Variants in ALG13 observed in about 807,000 individuals in gnomAD.
The protein encoded by ALG13 is UDP-N-acetylglucosamine transferase subunit ALG13.
A neutral mutation model predicts 87.8 loss-of-function variants in ALG13; 11 were observed. That is an observed-to-expected ratio of 0.13 (90% CI 0.08 to 0.21). The LOEUF is 0.21. Among genes scored for constraint, ALG13 ranks in the 10% least tolerant of loss-of-function variants. ALG13 has a pLI of 1.00. For missense variants in ALG13, 756 were observed against 866.1 expected (o/e 0.87, Z 1.60); for synonymous variants, 320 against 306.3 (o/e 1.04, Z -0.47).
chrX:111,688,035 C>A, intron 3 of ALG13: 1 of 1,081,198 alleles, frequency 9.2e-7, no homozygotes, highest in Non-Finnish European at 1.2e-6. Context: ...AAGCAACCCC[C>A]AAATTCAACC....
At chrX:111,711,837 C>T in intron 6 of ALG13, 112 bp downstream of exon 6, 5 of 737,609 alleles carry the variant, frequency 6.8e-6, no homozygotes, top group Non-Finnish European at 7.8e-6. Context: ...TATTTAGTAG[C>T]CAGCTGTGTT....
intron 23 of ALG13, chrX:111,743,765 T>C (rs757266217): frequency 2.3e-4 from 26 of 111,883 alleles, no homozygotes; most frequent in Non-Finnish European, 4.7e-4. Flanking sequence ...TAAACATTTA[T>C]AGAATGATAA....
intron 19 of ALG13, among the ~76,000 whole-genome samples, chrX:111,729,920 C>T (rs1434867478): frequency 8.9e-6 from 1 of 112,189 alleles, no homozygotes; most frequent in East Asian, 2.8e-4. Flanking sequence ...ATGTGTAAAG[C>T]ACTATGCTAA....
At chrX:111,727,887 C>A in intron 18 of ALG13, 117 bp downstream of exon 18, 1 of 834,875 alleles carries the variant, frequency 1.2e-6, no homozygotes, top group Non-Finnish European at 1.6e-6. Flanking sequence ...AAAGCCTTTT[C>A]TGGAAAATGA....
At chrX:111,695,178 T>C (rs1281898011) in intron 3 of ALG13, among the ~76,000 whole-genome samples, 3 of 111,709 alleles carry the variant, frequency 2.7e-5, no homozygotes, top group African/African-American at 9.8e-5. Context: ...TTTCCCTCCT[T>C]CTGCTAATCC....
At chrX:111,688,359 G>A in intron 3 of ALG13, 2 of 717,514 alleles carry the variant, frequency 2.8e-6, no homozygotes, top group Non-Finnish European at 3.3e-6. Flanking sequence ...AAATGAAACA[G>A]TAACAACTTT....
chrX:111,737,387 T>C (rs989323964), intron 23 of ALG13, among the ~76,000 whole-genome samples: 1 of 112,109 alleles, frequency 8.9e-6, no homozygotes, highest in Non-Finnish European at 1.9e-5. Context: ...TTGGGGGCAC[T>C]GATAGTACCA....
chrX:111,744,528 C>T (rs1414757984), intron 23 of ALG13, 140 bp from the exon 24 acceptor site: 2 of 613,880 alleles, frequency 3.3e-6, no homozygotes, highest in Non-Finnish European at 5.0e-6. Context: ...AGACAATTCA[C>T]TGTCCAAGTT....
At chrX:111,691,855 A>G (rs1936213023) in intron 3 of ALG13, among the ~76,000 whole-genome samples, 1 of 112,655 alleles carries the variant, frequency 8.9e-6, no homozygotes, top group Non-Finnish European at 1.9e-5. Flanking sequence ...AACTCTTTCA[A>G]TTGGTTTACC....
rs758242204 is a variant in ALG13, at chrX:111,713,301, A to G, written c.1005+4A>G. ...AGATAATGGCTATGAAGACAAGGTA[A>G]GAAGATGAGTGAATGTTGACTTATA... On this transcript the variant is annotated splice_donor_region_variant and intron_variant, in intron 8 of 26. Coordinates refer to ENST00000394780, the MANE Select transcript of ALG13 (RefSeq NM_001099922.3). 27 of 1,137,181 alleles carry G rather than the reference A, an allele frequency of 2.4e-5. No homozygotes were observed. In the East Asian group the frequency reaches 7.8e-4, roughly 33 times the overall value. The allele number at this position is 1,137,181 out of a possible 1,213,427, so 93.7% of individuals were successfully genotyped here.
intron 3 of ALG13, chrX:111,690,000 G>A (rs1442781835): frequency 1.3e-6 from 1 of 750,522 alleles, no homozygotes; most frequent in Non-Finnish European, 1.6e-6. Context: ...GCTCTGGGTA[G>A]GATTGATAGT....
At chrX:111,732,419 C>A (rs950120035) in intron 21 of ALG13, among the ~76,000 whole-genome samples, 3 of 112,189 alleles carry the variant, frequency 2.7e-5, no homozygotes, top group Non-Finnish European at 5.6e-5. Context: ...TAGTTCAATG[C>A]GAGTTGGCAG....
At chrX:111,759,144 ATTTTTTT>A (rs60549732) in intron 26 of ALG13, among the ~76,000 whole-genome samples, 31 of 92,699 alleles carry the variant, frequency 3.3e-4, no homozygotes, top group African/African-American at 1.2e-3. Flanking sequence ...CAAGTAATGA[ATTTTTTT>A]TTTTTTTTTT....
At chrX:111,747,504 A>C (rs1028194115) in intron 24 of ALG13, among the ~76,000 whole-genome samples, 2 of 111,459 alleles carry the variant, frequency 1.8e-5, no homozygotes, top group Non-Finnish European at 3.8e-5. Context: ...ATATATATAG[A>C]GAGATGGAGT....
chrX:111,722,743 A>G, intron 12 of ALG13, 50 bp from the exon 13 acceptor site: 1 of 894,793 alleles, frequency 1.1e-6, no homozygotes, highest in Non-Finnish European at 1.6e-6. Flanking sequence ...TAAATGATAT[A>G]GGAAAGGAAC....
rs1046682095 is a variant in ALG13, at chrX:111,715,677, C to T, written c.1006-2169C>T. Among the ~76,000 whole-genome samples, 27 of 112,373 alleles carry T rather than the reference C, an allele frequency of 2.4e-4. 1 individual carries two copies. The highest frequency in any genetic ancestry group is 1.5e-3 in the Admixed American group (16 of 10,673). ...AGGTTGCAGTGAGCCAAGATTGCGCCGCTGCACTCCAGCCTGGGCGACAGA... is the reference window on the plus strand; with the variant it reads ...AGGTTGCAGTGAGCCAAGATTGCGCTGCTGCACTCCAGCCTGGGCGACAGA... On this transcript the variant is annotated intron_variant, in intron 8 of 26. Coordinates refer to ENST00000394780, the MANE Select transcript of ALG13 (RefSeq NM_001099922.3).
intron 24 of ALG13, among the ~76,000 whole-genome samples, chrX:111,748,477 T>C (rs1944436116): frequency 1.8e-5 from 2 of 112,042 alleles, no homozygotes; most frequent in Non-Finnish European, 3.8e-5. Context: ...GTAAAGTGTG[T>C]GTAGATTCAT....
intron 4 of ALG13, 67 bp downstream of exon 4, chrX:111,708,460 T>C: frequency 8.9e-7 from 1 of 1,125,346 alleles, no homozygotes; most frequent in South Asian, 2.2e-5. Context: ...GGTCCTGTAG[T>C]TTGCCAGAAG....
In ALG13 at chrX:111,724,971, C is replaced by G; in HGVS notation, c.1639C>G (p.Gln547Glu). The G allele has an allele frequency of 1.7e-6, 2 of 1,210,278 alleles. No individual in the cohort carries two copies. The highest frequency in any genetic ancestry group is 3.0e-5 in the East Asian group (1 of 33,813). ...ACTGGCTAACTTAAAACCAGTTACC[C>G]AAGTGATGTCTGTTCCTGCCTGGAA... ...VPLANLKPVTQVMSVPAWNAM... is the reference protein window; with the variant it reads ...VPLANLKPVTEVMSVPAWNAM... The change falls in exon 15 of 27, where the codon CAA becomes GAA. Residue 547 changes from glutamine (Q) to glutamate (E), a missense_variant. Transcript: ENST00000394780.
Sources: allele counts gnomAD v4.1 joint callset (sites outside exome capture counted in the v4.1 genomes callset), GRCh38; gene constraint gnomAD v4.1.1; transcripts MANE v1.5; gene names NCBI Gene and HGNC (gene_info 2026-07-23, HGNC 2026-07-21).